Variants in RFX3 observed in about 807,000 individuals in gnomAD.
RFX3 encodes regulatory factor X3.
Under a neutral mutation model 98.6 loss-of-function variants are expected in RFX3, and 14 were observed. That is an observed-to-expected ratio of 0.14 (90% CI 0.09 to 0.22). The LOEUF is 0.22. Ranked by LOEUF, RFX3 falls within the 10% of genes least tolerant of loss-of-function variation. The pLI is 1.00. For missense variants in RFX3, 639 were observed against 926.9 expected, an observed-to-expected ratio of 0.69 and a Z score of 4.03; for synonymous variants, 383 against 328.4, an observed-to-expected ratio of 1.17 and a Z score of -1.80.
chr9:3,461,572 G>A (rs932078012), intron 1 of RFX3, among the ~76,000 whole-genome samples: 2 of 151,896 alleles, frequency 1.3e-5, no homozygotes, highest in African/African-American at 4.8e-5. Context: ...TATTATGCTA[G>A]AAAAAGAATT....
At chr9:3,389,062 G>A (rs1330929252) in intron 2 of RFX3, among the ~76,000 whole-genome samples, 1 of 152,096 alleles carries the variant, frequency 6.6e-6, no homozygotes, top group African/African-American at 2.4e-5. Context: ...TATCCTCAAT[G>A]TTAGCAGTAT....
At chr9:3,374,720 G>T (rs1316910807) in intron 2 of RFX3, among the ~76,000 whole-genome samples, 2 of 152,252 alleles carry the variant, frequency 1.3e-5, no homozygotes, top group East Asian at 3.9e-4. Context: ...AATTGTAATG[G>T]GTAGAGAGTT....
intron 4 of RFX3, among the ~76,000 whole-genome samples, chr9:3,317,800 G>A (rs1830798682): frequency 1.3e-5 from 2 of 152,178 alleles, no homozygotes; most frequent in Non-Finnish European, 2.9e-5. Flanking sequence ...TCAGAGAAAT[G>A]CAAATCATAA....
chr9:3,475,910 G>A (rs546213004), intron 1 of RFX3, among the ~76,000 whole-genome samples: 2 of 152,198 alleles, frequency 1.3e-5, no homozygotes, highest in African/African-American at 2.4e-5. Context: ...TCGCACTGAC[G>A]CTACCACTAG....
chr9:3,224,962 C>A lies in RFX3; in HGVS notation c.*80G>T, dbSNP rs1817602550. 12 of 1,397,796 alleles carry A rather than the reference C, an allele frequency of 8.6e-6. No homozygotes were observed. In the South Asian group the frequency reaches 1.4e-4, roughly 16 times the overall value. 86.6% of individuals were successfully genotyped at this position (1,397,796 alleles called of 1,614,324 possible). A position where few individuals can be genotyped will look rare whatever the true frequency, so the allele number is the denominator to read the frequency against. On this transcript the variant is annotated 3_prime_UTR_variant, in exon 17 of 17. Coordinates refer to ENST00000617270, the MANE Select transcript of RFX3 (RefSeq NM_001282116.2). Reference sequence around the variant, plus strand: ...CAGATAGAATTTGACAACAGTCGACCTTCAGGCTTATTAAATTTTCAACTT... The same window carrying A: ...CAGATAGAATTTGACAACAGTCGACATTCAGGCTTATTAAATTTTCAACTT...
At chr9:3,345,619 T>C (rs1834368841) in intron 3 of RFX3, among the ~76,000 whole-genome samples, 2 of 152,178 alleles carry the variant, frequency 1.3e-5, no homozygotes, top group Non-Finnish European at 2.9e-5. Context: ...ATTATTCTCC[T>C]TCCCCTTCCA....
intron 2 of RFX3, among the ~76,000 whole-genome samples, chr9:3,378,187 C>G (rs977992832): frequency 1.3e-5 from 2 of 152,128 alleles, no homozygotes; most frequent in African/African-American, 4.8e-5. Flanking sequence ...GAGCCAACTT[C>G]TTATTTAGGT....
intron 2 of RFX3, among the ~76,000 whole-genome samples, chr9:3,383,169 T>C (rs1194972381): frequency 6.6e-6 from 1 of 152,164 alleles, no homozygotes; most frequent in Non-Finnish European, 1.5e-5. Flanking sequence ...CCCTCTTTTT[T>C]TAAGGTTCTA....
At chr9:3,250,448 A>G (rs1821233004) in intron 14 of RFX3, among the ~76,000 whole-genome samples, 1 of 152,130 alleles carries the variant, frequency 6.6e-6, no homozygotes, top group Non-Finnish European at 1.5e-5. Flanking sequence ...AAGCTGTCAG[A>G]GGTTAAAAGA....
At chr9:3,315,110 C>T (rs1471095827) in intron 4 of RFX3, among the ~76,000 whole-genome samples, 4 of 152,096 alleles carry the variant, frequency 2.6e-5, no homozygotes, top group Non-Finnish European at 4.4e-5. Flanking sequence ...CCAAAATTGA[C>T]CACATAGTTG....
rs1469487133 is a variant in RFX3 at position 3,221,848 on chromosome 9, T to C, written c.*3194A>G. On this transcript the variant is annotated 3_prime_UTR_variant, in exon 17 of 17. Transcript: ENST00000617270. ...GAAACTTGAAAACAGTCAACATACC[T>C]TCCTTACATTCTTCCTCACTGAAAG... is the stretch of plus-strand genomic sequence containing the variant. The C allele has an allele frequency of 1.3e-5, 2 of 152,186 alleles. No individual in the cohort carries two copies. Among genetic ancestry groups the C allele is most frequent in the African/African-American group, 4.8e-5 (2 of 41,454 alleles). The allele number at this position is 152,186 out of a possible 1,614,324, so 9.4% of individuals were successfully genotyped here.
chr9:3,254,095 A>T (rs1308384972), intron 14 of RFX3, among the ~76,000 whole-genome samples: 1 of 152,166 alleles, frequency 6.6e-6, no homozygotes, highest in African/African-American at 2.4e-5. Flanking sequence ...CAAGCCAATT[A>T]TCCTCAACTC....
rs148793375 is a variant in RFX3 at position 3,523,595 on chromosome 9, T to C, written c.-9+2152A>G. On this transcript the variant is annotated intron_variant, in intron 1 of 16. Transcript: ENST00000617270. Reference sequence around the variant, plus strand: ...TTCTCAGACACTGTAAATAAAATATTAAACCATAACATTATAGTATATAAT... The same window carrying C: ...TTCTCAGACACTGTAAATAAAATATCAAACCATAACATTATAGTATATAAT... Among the ~76,000 whole-genome samples, 687 of 152,282 alleles carry C rather than the reference T, an allele frequency of 4.5e-3. 4 individuals carry two copies. Among genetic ancestry groups the C allele is most frequent in the African/African-American group, 0.016 (671 of 41,562 alleles).
At chr9:3,452,308 T>C (rs1402632981) in intron 1 of RFX3, 3 of 233,268 alleles carry the variant, frequency 1.3e-5, no homozygotes, top group Non-Finnish European at 1.9e-5. Flanking sequence ...AAACAACTAA[T>C]GGCCAGGCAC....
At chr9:3,366,693 C>CCTTCCTTCCTTTCTTTCTTTCTTT (rs1491500921) in intron 2 of RFX3, among the ~76,000 whole-genome samples, 5 of 85,490 alleles carry the variant, frequency 5.8e-5, no homozygotes, top group Non-Finnish European at 1.1e-4. Context: ...TTCTTTCTTT[C>CCTTCCTTCCTTTCTTTCTTTCTTT]CTTTCTTTCT....
At chr9:3,376,093 T>G (rs987282951) in intron 2 of RFX3, among the ~76,000 whole-genome samples, 1 of 152,176 alleles carries the variant, frequency 6.6e-6, no homozygotes, top group Non-Finnish European at 1.5e-5. Context: ...GAAGATAGTA[T>G]TATTAGTCAT....
In RFX3 at chr9:3,398,926, A is replaced by AT. The variant is rs1564048440; in HGVS notation, c.-8-3331_-8-3330insA. On this transcript the variant is annotated intron_variant, in intron 1 of 16. Coordinates refer to ENST00000617270, the MANE Select transcript of RFX3 (RefSeq NM_001282116.2). ...ACTTAGAGTATAATAAAAAAAAAAA[A>AT]AAAAAAAAAAAAAAATTAAAACTAC... Among the ~76,000 whole-genome samples, 96 of 146,494 alleles carry AT rather than the reference A, an allele frequency of 6.6e-4. 1 individual carries two copies. The highest frequency in any genetic ancestry group is 2.4e-3 in the African/African-American group (89 of 37,752).
intron 3 of RFX3, among the ~76,000 whole-genome samples, chr9:3,337,981 A>T (rs914713456): frequency 2.6e-5 from 4 of 152,178 alleles, no homozygotes; most frequent in Admixed American, 2.6e-4. Context: ...TGCACTACTT[A>T]TTTACTTATA....
intron 7 of RFX3, among the ~76,000 whole-genome samples, chr9:3,283,735 G>C (rs1288923095): frequency 2.6e-5 from 4 of 151,736 alleles, no homozygotes; most frequent in Non-Finnish European, 5.9e-5. Context: ...TTCTTTCACA[G>C]AATCCAATTG....
Sources: gnomAD v4.1 joint callset for allele counts (sites outside exome capture counted in the v4.1 genomes callset) on GRCh38, gnomAD v4.1.1 for gene constraint, MANE v1.5 for transcripts, NCBI Gene and HGNC (gene_info 2026-07-23, HGNC 2026-07-21) for gene names.